Variants in KCTD2 observed in about 807,000 individuals in gnomAD.
KCTD2 encodes BTB/POZ domain-containing protein KCTD2.
In KCTD2, 18 loss-of-function variants were observed where a neutral mutation model predicts 27.9. The ratio of observed to expected loss-of-function variants is 0.64; its 90% CI spans 0.45 to 0.96. The LOEUF (loss-of-function observed/expected upper bound fraction) is 0.96. Among genes scored for constraint, KCTD2 ranks in the 40% least tolerant of loss-of-function variants. The pLI is 0.00. For missense variants in KCTD2, 280 were observed against 348.0 expected (o/e 0.80, Z 1.56); for synonymous variants, 175 against 148.4 (o/e 1.18, Z -1.30).
At chr17:75,033,374 C>T (rs1045270489) in intron 1 of KCTD2, among the ~76,000 whole-genome samples, 3 of 151,590 alleles carry the variant, frequency 2.0e-5, no homozygotes, top group Non-Finnish European at 2.9e-5. Flanking sequence ...GCTGATTTTC[C>T]TTTCTATCTA....
At chr17:75,052,697 T>G (rs1267826703) in intron 2 of KCTD2, among the ~76,000 whole-genome samples, 1 of 152,040 alleles carries the variant, frequency 6.6e-6, no homozygotes, top group Non-Finnish European at 1.5e-5. Context: ...CACTCCAACC[T>G]GGGCAACAAG....
At chr17:75,041,805 G>A (rs1163212636) in intron 3 of KCTD2, 1 of 165,044 alleles carries the variant, frequency 6.1e-6, no homozygotes, top group Non-Finnish European at 1.3e-5. Context: ...GTTCTGGGCT[G>A]TAGCGCGTTA....
At chr17:75,060,535 C>G (rs745464284) in intron 4 of KCTD2, 36 of 1,612,730 alleles carry the variant, frequency 2.2e-5, no homozygotes, top group Non-Finnish European at 2.4e-5. Context: ...GCTCTTGATG[C>G]CCTTTTCACT....
chr17:75,038,733 G>T, intron 3 of KCTD2: 1 of 574,386 alleles, frequency 1.7e-6, no homozygotes. Context: ...TACACAGCCC[G>T]TCAGACAACC....
intron 3 of KCTD2, chr17:75,039,772 G>T: frequency 3.0e-6 from 1 of 338,556 alleles, no homozygotes; most frequent in South Asian, 5.0e-5. Flanking sequence ...AACACCATTT[G>T]ATAAGTTTTG....
chr17:75,051,714 A>G (rs2073290135), intron 2 of KCTD2, among the ~76,000 whole-genome samples: 4 of 151,708 alleles, frequency 2.6e-5, no homozygotes, highest in African/African-American at 9.7e-5. Flanking sequence ...TTCACCCCTT[A>G]ATATTTGTAT....
chr17:75,042,286 A>G (rs376934365), upstream of KCTD2: 6 of 1,613,136 alleles, frequency 3.7e-6, no homozygotes, highest in African/African-American at 8.0e-5. Flanking sequence ...ACCTGCCCAC[A>G]AGGAAAGGCA....
chr17:75,055,267 C>T (rs894600284), intron 3 of KCTD2, among the ~76,000 whole-genome samples: 2 of 151,930 alleles, frequency 1.3e-5, no homozygotes, highest in Admixed American at 6.5e-5. Flanking sequence ...ATTGACCAGG[C>T]TGGTCTTGAA....
intron 3 of KCTD2, among the ~76,000 whole-genome samples, chr17:75,036,776 A>C (rs949973389): frequency 3.9e-5 from 6 of 152,234 alleles, no homozygotes; most frequent in Non-Finnish European, 8.8e-5. Flanking sequence ...GTGCCAGTTC[A>C]GTGACTGCAG....
At chr17:75,047,719 C>T in intron 1 of KCTD2, 130 bp downstream of exon 1, 12 of 819,320 alleles carry the variant, frequency 1.5e-5, no homozygotes, top group South Asian at 1.4e-4. Flanking sequence ...CTCCCCCTCC[C>T]TCCCACACTA....
At chr17:75,053,242 C>G (rs2073310045) in intron 3 of KCTD2, 137 bp downstream of exon 3, 15 of 671,588 alleles carry the variant, frequency 2.2e-5, no homozygotes. Context: ...GGAATGCACA[C>G]TCAGCCAAAC....
chr17:75,039,230 C>T (rs2073133616), intron 3 of KCTD2: 1 of 1,614,208 alleles, frequency 6.2e-7, no homozygotes, highest in East Asian at 2.2e-5. Flanking sequence ...ATTCTACAAT[C>T]CTGGCCTTTG....
chr17:75,054,826 A>G (rs1313940470), intron 3 of KCTD2, among the ~76,000 whole-genome samples: 7 of 151,926 alleles, frequency 4.6e-5, no homozygotes, highest in African/African-American at 1.7e-4. Flanking sequence ...AAAAAAAAGA[A>G]GCTTGAAGTA....
chr17:75,043,596 AGT>A (rs1487688934), upstream of KCTD2, among the ~76,000 whole-genome samples: 1 of 142,712 alleles, frequency 7.0e-6, no homozygotes, highest in Non-Finnish European at 1.5e-5. Context: ...CTGGACACAG[AGT>A]GAGACTCTGT....
Position 75,047,298 on chromosome 17 carries a change from C to T in KCTD2, c.48C>T (p.Gly16=). The part of the protein sequence containing the change: ...LDPAMAGLGG[G]GGSGVGDGGG... The stretch of plus-strand genomic sequence containing the variant: ...CGGCGATGGCGGGGCTGGGAGGGGG[C>T]GGCGGGAGTGGGGTGGGCGACGGGG... The change falls in exon 1 of 6, where the codon GGC becomes GGT. Residue 16 remains glycine, a synonymous_variant. Coordinates refer to ENST00000322444, the MANE Select transcript of KCTD2 (RefSeq NM_015353.3). 6.1e-6 allele frequency: 4 copies of T among 658,528 alleles called. No individual in the cohort carries two copies. Among genetic ancestry groups the T allele is most frequent in the Non-Finnish European group, 5.6e-6 (3 of 531,428 alleles). 40.8% of individuals were successfully genotyped at this position (658,528 alleles called of 1,614,324 possible).
upstream of KCTD2, among the ~76,000 whole-genome samples, chr17:75,044,014 C>G (rs552888230): frequency 6.7e-6 from 1 of 148,210 alleles, no homozygotes; most frequent in Non-Finnish European, 1.5e-5. Context: ...CACCAGCACA[C>G]GTTGTGCACT....
Position 75,047,654 on chromosome 17 carries a change from CCA to C in KCTD2, c.339+66_339+67del, listed in dbSNP as rs2073240125. 9 of 1,516,040 alleles carry C rather than the reference CCA, an allele frequency of 5.9e-6. No homozygotes were observed. In the East Asian group the frequency reaches 2.1e-4, roughly 35 times the overall value. The allele number at this position is 1,516,040 out of a possible 1,614,324, so 93.9% of individuals were successfully genotyped here. A position where few individuals can be genotyped will look rare whatever the true frequency, so the allele number is the denominator to read the frequency against. ...CCCCTGGTTTCTCGTAGATCGGTCC[CCA>C]GAGTCCTGAGACACGCTCCTCACAG... On this transcript the variant is annotated intron_variant, in intron 1 of 5. Transcript: ENST00000322444.
At chr17:75,034,392 C>T (rs1299231117) in intron 2 of KCTD2, among the ~76,000 whole-genome samples, 1 of 152,016 alleles carries the variant, frequency 6.6e-6, no homozygotes, top group African/African-American at 2.4e-5. Context: ...CTCTGGCTGC[C>T]GGCACCAAAA....
intron 1 of KCTD2, chr17:75,033,932 C>CT (rs1342366315): frequency 1.3e-5 from 2 of 152,282 alleles, no homozygotes; most frequent in Non-Finnish European, 2.9e-5. Flanking sequence ...GGATAAGGCA[C>CT]TGGCCTCCTA....
Sources: gnomAD v4.1 joint callset for allele counts (sites outside exome capture counted in the v4.1 genomes callset) on GRCh38, gnomAD v4.1.1 for gene constraint, MANE v1.5 for transcripts, NCBI Gene and HGNC (gene_info 2026-07-23, HGNC 2026-07-21) for gene names.